TMEM252: variants seen among roughly 807,000 people sequenced by gnomAD.
TMEM252 encodes transmembrane protein 252.
A neutral mutation model predicts 6.4 loss-of-function variants in TMEM252; 4 were observed. The ratio of observed to expected loss-of-function variants is 0.62; its 90% CI spans 0.31 to 1.43. TMEM252 has a LOEUF of 1.43. Among genes scored for constraint, TMEM252 ranks in the 40% most tolerant of loss-of-function variants. TMEM252 has a pLI of 0.07. For missense variants in TMEM252, 207 were observed against 209.4 expected (o/e 0.99, Z 0.07); for synonymous variants, 85 against 82.5 (o/e 1.03, Z -0.17).
chr9:68,540,682 A>T lies in TMEM252; in HGVS notation c.133T>A (p.Leu45Met). 6.2e-7 allele frequency: 1 copy of T among 1,614,138 alleles called. No individual in the cohort carries two copies. The highest frequency in any genetic ancestry group is 1.3e-5 in the African/African-American group (1 of 75,064). ...DCQGSLIAAYLLLPLGFVILL... is the reference protein window; with the variant it reads ...DCQGSLIAAYMLLPLGFVILL... ...ATCACAAACCCCAGAGGCAGAAGCA[A>T]ATAGGCCGCAATCAGGCTCCCCTGA... Residue 45 changes from leucine (L) to methionine (M), a missense_variant, in exon 1 of 2, where the codon TTG (leucine) becomes ATG (methionine). Physicochemically the swap from Leu to Met is conservative, Grantham distance 15. Coordinates refer to ENST00000377311, the MANE Select transcript of TMEM252 (RefSeq NM_153237.2).
chr9:68,537,369 C>T lies in TMEM252; in HGVS notation c.403G>A (p.Asp135Asn), dbSNP rs768963042. Residue 135 changes from aspartate to asparagine, a missense_variant, in exon 2 of 2, where the codon GAT becomes AAT. By Grantham distance (23) the Asp-to-Asn change is conservative. Coordinates refer to ENST00000377311, the MANE Select transcript of TMEM252 (RefSeq NM_153237.2). Reference sequence around the variant, plus strand: ...GCCTCTGGGTGGGAGTCATTTCCATCCTGGAATTCCAGGCCCGTCTCTGTA... The same window carrying T: ...GCCTCTGGGTGGGAGTCATTTCCATTCTGGAATTCCAGGCCCGTCTCTGTA... The part of the protein sequence containing the change: ...LYTETGLEFQ[D>N]GNDSHPEAPP... 4 of 1,608,296 alleles carry T rather than the reference C, an allele frequency of 2.5e-6. No homozygotes were observed. The Admixed American group carries it at 5.1e-5, about 21-fold the overall frequency.
rs779441934 is a variant in TMEM252 at position 68,540,698 on chromosome 9, G to T, written c.117C>A (p.Ser39Arg). 1 of 1,614,134 alleles carries T rather than the reference G, an allele frequency of 6.2e-7. No individual in the cohort carries two copies. Among genetic ancestry groups the T allele is most frequent in the Non-Finnish European group, 8.5e-7 (1 of 1,180,014 alleles). The change falls in exon 1 of 2, where the codon AGC (serine) becomes AGA (arginine). Residue 39 changes from serine to arginine, a missense_variant. Ser to Arg is a moderately radical substitution (Grantham distance 110, BLOSUM62 -1). Transcript: ENST00000377311. ...GCAGAAGCAAATAGGCCGCAATCAG[G>T]CTCCCCTGACAGTCGAATATGGAGC... ...SWGSIFDCQGSLIAAYLLLPL... is the reference protein window; with the variant it reads ...SWGSIFDCQGRLIAAYLLLPL...
rs754718806 is a variant in TMEM252 at position 68,536,860 on chromosome 9, T to C, written c.*399A>G. On this transcript the variant is annotated 3_prime_UTR_variant, in exon 2 of 2. Transcript: ENST00000377311. Reference sequence around the variant, plus strand: ...TTCGCTTTGAGATTACTAGGTGATATAGAACAGGAAGGCATGTGGCTGTCC... The same window carrying C: ...TTCGCTTTGAGATTACTAGGTGATACAGAACAGGAAGGCATGTGGCTGTCC... The C allele has an allele frequency of 2.7e-5, 5 of 183,152 alleles. No individual in the cohort carries two copies. Among genetic ancestry groups the C allele is most frequent in the Admixed American group, 6.4e-5 (1 of 15,594 alleles). 11.3% of individuals were successfully genotyped at this position (183,152 alleles called of 1,614,324 possible).
At chr9:68,537,583 CG>C in intron 1 of TMEM252, 90 bp from the exon 2 acceptor site, 1 of 952,352 alleles carries the variant, frequency 1.1e-6, no homozygotes, top group East Asian at 2.8e-5. Flanking sequence ...TCAAATTGTG[CG>C]AAGCTAAACT....
rs1825145139 is a variant in TMEM252 at position 68,536,807 on chromosome 9, G to A, written c.*452C>T. The A allele has an allele frequency of 6.3e-6, 1 of 157,804 alleles. No homozygotes were observed. Among genetic ancestry groups the A allele is most frequent in the Admixed American group, 6.5e-5 (1 of 15,328 alleles). 9.8% of individuals were successfully genotyped at this position (157,804 alleles called of 1,614,324 possible). On this transcript the variant is annotated 3_prime_UTR_variant, in exon 2 of 2. Coordinates refer to ENST00000377311, the MANE Select transcript of TMEM252 (RefSeq NM_153237.2). ...AAACAAGCTAACAAAACAAAAGGCTGAACAATCAATAAATTAAACAACAAA... is the reference window on the plus strand; with the variant it reads ...AAACAAGCTAACAAAACAAAAGGCTAAACAATCAATAAATTAAACAACAAA...
intron 1 of TMEM252, 88 bp downstream of exon 1, chr9:68,540,449 G>C (rs746413656): frequency 1.9e-6 from 3 of 1,547,830 alleles, no homozygotes; most frequent in African/African-American, 2.7e-5. Flanking sequence ...CATGTAAGTC[G>C]CTCCATAGTA....
intron 1 of TMEM252, among the ~76,000 whole-genome samples, chr9:68,538,706 G>A (rs757817907): frequency 7.2e-5 from 11 of 152,172 alleles, no homozygotes; most frequent in African/African-American, 2.4e-4. Flanking sequence ...TTGGAGAAAT[G>A]TGACTTCCCA....
chr9:68,540,495 C>G, intron 1 of TMEM252, 42 bp downstream of exon 1: 3 of 1,607,022 alleles, frequency 1.9e-6, no homozygotes, highest in Non-Finnish European at 2.6e-6. Flanking sequence ...ACAACTCAGC[C>G]CATCTCAGCC....
At chr9:68,537,620 A>G (rs1825157424) in intron 1 of TMEM252, 127 bp from the exon 2 acceptor site, 1 of 707,062 alleles carries the variant, frequency 1.4e-6, no homozygotes. Flanking sequence ...TTTTTGAAAC[A>G]GATGTACTTC....
chr9:68,540,363 G>A (rs1404065815), intron 1 of TMEM252, among the ~76,000 whole-genome samples, 174 bp downstream of exon 1: 2 of 152,128 alleles, frequency 1.3e-5, no homozygotes, highest in South Asian at 2.1e-4. Context: ...CAAAGATGGC[G>A]CCACTCTTCC....
Position 68,540,693 on chromosome 9 carries a change from A to G in TMEM252, c.122T>C (p.Ile41Thr), listed in dbSNP as rs1825194916. Residue 41 changes from isoleucine (I) to threonine (T), a missense_variant, in exon 1 of 2, where the codon ATT (isoleucine) becomes ACT (threonine). Coordinates refer to ENST00000377311, the MANE Select transcript of TMEM252 (RefSeq NM_153237.2). The part of the protein sequence containing the change: ...GSIFDCQGSL[I>T]AAYLLLPLGF... ...CAGAGGCAGAAGCAAATAGGCCGCA[A>G]TCAGGCTCCCCTGACAGTCGAATAT... is the stretch of plus-strand genomic sequence containing the variant. The G allele has an allele frequency of 6.2e-7, 1 of 1,614,182 alleles. No individual in the cohort carries two copies. Among genetic ancestry groups the G allele is most frequent in the Non-Finnish European group, 8.5e-7 (1 of 1,180,010 alleles).
chr9:68,537,495 T>G lies in TMEM252; in HGVS notation c.279-2A>C. ...TAAGCTGGAGGGTAAAAGTCTGGCC[T>G]AGGGGACAAAACAGCATAAACATGC... is the stretch of plus-strand genomic sequence containing the variant. On this transcript the variant is annotated splice_acceptor_variant, in intron 1 of 1. Coordinates refer to ENST00000377311, the MANE Select transcript of TMEM252 (RefSeq NM_153237.2). LOFTEE classifies it high-confidence loss of function. 6.3e-7 allele frequency: 1 copy of G among 1,599,098 alleles called. No homozygotes were observed. The highest frequency in any genetic ancestry group is 8.5e-7 in the Non-Finnish European group (1 of 1,175,590).
chr9:68,538,115 T>G (rs1180215235), intron 1 of TMEM252, among the ~76,000 whole-genome samples: 1 of 152,246 alleles, frequency 6.6e-6, no homozygotes, highest in Non-Finnish European at 1.5e-5. Flanking sequence ...GTTGTAGCCC[T>G]TTCTATGCCA....
intron 1 of TMEM252, among the ~76,000 whole-genome samples, chr9:68,540,075 A>T (rs1051551223): frequency 1.3e-5 from 2 of 152,384 alleles, no homozygotes; most frequent in Non-Finnish European, 2.9e-5. Context: ...CTAAAAGGAC[A>T]GTAAACTGGG....
At chr9:68,539,417 A>G (rs991821149) in intron 1 of TMEM252, among the ~76,000 whole-genome samples, 2 of 151,056 alleles carry the variant, frequency 1.3e-5, no homozygotes, top group Non-Finnish European at 3.0e-5. Context: ...CCATCACCTT[A>G]AAACTCTCTA....
chr9:68,540,472 A>G, intron 1 of TMEM252, 65 bp downstream of exon 1: 1 of 1,591,526 alleles, frequency 6.3e-7, no homozygotes. Context: ...ATCAGAAATT[A>G]CTCAGATCTT....
chr9:68,539,997 A>T (rs1421297084), intron 1 of TMEM252, among the ~76,000 whole-genome samples: 1 of 152,212 alleles, frequency 6.6e-6, no homozygotes, highest in Non-Finnish European at 1.5e-5. Context: ...AGAAAGAATG[A>T]ATCTTGCCTC....
chr9:68,539,672 G>T (rs1299194477), intron 1 of TMEM252, among the ~76,000 whole-genome samples: 1 of 152,148 alleles, frequency 6.6e-6, no homozygotes, highest in Non-Finnish European at 1.5e-5. Flanking sequence ...ACCACATTTT[G>T]TTTATCTACT....
intron 1 of TMEM252, among the ~76,000 whole-genome samples, chr9:68,537,830 G>T (rs1825159873): frequency 6.6e-6 from 1 of 152,190 alleles, no homozygotes; most frequent in Non-Finnish European, 1.5e-5. Flanking sequence ...TGGGGGCTTT[G>T]GATAGGGAAC....
Sources: gnomAD v4.1 joint callset for allele counts (sites outside exome capture counted in the v4.1 genomes callset) on GRCh38, gnomAD v4.1.1 for gene constraint, MANE v1.5 for transcripts, NCBI Gene and HGNC (gene_info 2026-07-23, HGNC 2026-07-21) for gene names.